Variants in TM7SF2 observed in about 807,000 individuals in gnomAD.
TM7SF2 encodes transmembrane 7 superfamily member 2, also known as delta(14)-sterol reductase TM7SF2.
A neutral mutation model predicts 51.0 loss-of-function variants in TM7SF2; 51 were observed. The ratio of observed to expected loss-of-function variants is 1.00; its 90% CI spans 0.80 to 1.26. The LOEUF is 1.26. TM7SF2 is among the 50% of genes most tolerant of loss of function. The probability of loss-of-function intolerance (pLI) is 0.00; values close to 1 mark genes in which losing one functional copy is unlikely to be tolerated. For missense variants in TM7SF2, 541 were observed against 547.4 expected (o/e 0.99, Z 0.12); for synonymous variants, 255 against 241.0 (o/e 1.06, Z -0.54).
chr11:65,111,913 C>T lies in TM7SF2; in HGVS notation c.-103C>T. 7.6e-7 allele frequency: 1 copy of T among 1,315,650 alleles called. No homozygotes were observed. Among genetic ancestry groups the T allele is most frequent in the Non-Finnish European group, 1.1e-6 (1 of 935,564 alleles). The allele number at this position is 1,315,650 out of a possible 1,614,324, so 81.5% of individuals were successfully genotyped here. A position where few individuals can be genotyped will look rare whatever the true frequency, so the allele number is the denominator to read the frequency against. ...CAGGCAGGTGCAGGCGCCGCGGGGC[C>T]GGATCCTCCGCGCGGCCGAGTCCAT... is the stretch of plus-strand genomic sequence containing the variant. On this transcript the variant is annotated 5_prime_UTR_variant, in exon 1 of 10. Coordinates refer to ENST00000279263, the MANE Select transcript of TM7SF2 (RefSeq NM_003273.6).
rs760970320 is a variant in TM7SF2 at position 65,115,391 on chromosome 11, G to T, written c.970G>T (p.Ala324Ser). 6.2e-7 allele frequency: 1 copy of T among 1,614,200 alleles called. No homozygotes were observed. Among genetic ancestry groups the T allele is most frequent in the Admixed American group, 1.7e-5 (1 of 60,026 alleles). The change falls in exon 8 of 10, where the codon GCT (alanine) becomes TCT (serine). Residue 324 changes from alanine (A) to serine (S), a missense_variant. Coordinates refer to ENST00000279263, the MANE Select transcript of TM7SF2 (RefSeq NM_003273.6). ...FRKNPSDPRV[A>S]GLETISTATG... Reference sequence around the variant, plus strand: ...AAAGAATCCTTCTGACCCCAGAGTGGCTGGTGAGCTGGTTCTCTAGGGCCA... The same window carrying T: ...AAAGAATCCTTCTGACCCCAGAGTGTCTGGTGAGCTGGTTCTCTAGGGCCA...
chr11:65,112,722 C>G lies in TM7SF2; in HGVS notation c.249+11C>G, dbSNP rs1244537496. The G allele has an allele frequency of 1.2e-5, 18 of 1,547,708 alleles. No homozygotes were observed. Among genetic ancestry groups the G allele is most frequent in the Non-Finnish European group, 1.4e-5 (16 of 1,146,190 alleles). Reference sequence around the variant, plus strand: ...CTGCCGGCGCGCAAGGTGCGGGCCCCGCTCGCGGACGCTCGGGGGAGGGAA... The same window carrying G: ...CTGCCGGCGCGCAAGGTGCGGGCCCGGCTCGCGGACGCTCGGGGGAGGGAA... On this transcript the variant is annotated intron_variant, in intron 2 of 9. Coordinates refer to ENST00000279263, the MANE Select transcript of TM7SF2 (RefSeq NM_003273.6).
rs1947955407 is a variant in TM7SF2 at position 65,114,841 on chromosome 11, G to C, written c.723+9G>C. On this transcript the variant is annotated intron_variant, in intron 6 of 9. Transcript: ENST00000279263. ...ATGCCCTCTGGCACGAGGTGAGGCT[G>C]GACTGGACGAGGGTGGGTGTCTGAG... 1 of 1,614,242 alleles carries C rather than the reference G, an allele frequency of 6.2e-7. No homozygotes were observed. The highest frequency in any genetic ancestry group is 2.2e-5 in the East Asian group (1 of 44,894).
chr11:65,115,198 C>A, intron 7 of TM7SF2, 116 bp from the exon 8 acceptor site: 1 of 1,590,752 alleles, frequency 6.3e-7, no homozygotes. Context: ...AAAGCCAGGG[C>A]AGGGTCCTGG....
chr11:65,113,649 G>A, intron 5 of TM7SF2, 55 bp downstream of exon 5: 2 of 1,519,814 alleles, frequency 1.3e-6, no homozygotes, highest in Non-Finnish European at 9.1e-7. Flanking sequence ...TAGGGTGGGT[G>A]AGCAGCGCTT....
In TM7SF2 at chr11:65,112,647, C is replaced by A; in HGVS notation, c.185C>A (p.Ala62Glu). 1.3e-6 allele frequency: 2 copies of A among 1,537,732 alleles called. No individual in the cohort carries two copies. The highest frequency in any genetic ancestry group is 1.7e-6 in the Non-Finnish European group (2 of 1,143,864). Residue 62 changes from alanine to glutamate, a missense_variant, in exon 2 of 10, where the codon GCG becomes GAG. Coordinates refer to ENST00000279263, the MANE Select transcript of TM7SF2 (RefSeq NM_003273.6). The stretch of plus-strand genomic sequence containing the variant: ...CTGGAGGTGCTGTGGAGCCCACGGG[C>A]GCTGCTGCTGTGGCTCGCCTGGCTC... ...PGLEVLWSPRALLLWLAWLGL... is the reference protein window; with the variant it reads ...PGLEVLWSPRELLLWLAWLGL...
chr11:65,112,083 G>T lies in TM7SF2; in HGVS notation c.52+16G>T, dbSNP rs751242903. 1 of 1,593,682 alleles carries T rather than the reference G, an allele frequency of 6.3e-7. No individual in the cohort carries two copies. Among genetic ancestry groups the T allele is most frequent in the Non-Finnish European group, 8.5e-7 (1 of 1,172,852 alleles). On this transcript the variant is annotated intron_variant, in intron 1 of 9. Coordinates refer to ENST00000279263, the MANE Select transcript of TM7SF2 (RefSeq NM_003273.6). Reference sequence around the variant, plus strand: ...GGGCCCCTGGGTAATGGGGCAGAGAGATGGGACCTGGGGCAAAGGCTAAGC... The same window carrying T: ...GGGCCCCTGGGTAATGGGGCAGAGATATGGGACCTGGGGCAAAGGCTAAGC...
chr11:65,113,765 A>T, intron 5 of TM7SF2, 171 bp downstream of exon 5: 1 of 639,066 alleles, frequency 1.6e-6, no homozygotes, highest in South Asian at 1.9e-5. Flanking sequence ...ACAAAAATAA[A>T]GTTAGAGGCA....
At position 65,114,726 on chromosome 11, in the gene TM7SF2, T is replaced by A. The variant is rs1191421411; in HGVS notation, c.617T>A (p.Leu206Gln). Residue 206 changes from leucine (L) to glutamine (Q), a missense_variant, in exon 6 of 10, where the codon CTG becomes CAG. Physicochemically the swap from Leu to Gln is moderately radical, Grantham distance 113 (BLOSUM62 -2). Transcript: ENST00000279263. ...CCCTCTCCCCAGGTCCTCATCAACC[T>A]GGCCCTGTTGATGAAGGAGGCAGAG... ...PGLIGWVLIN[L>Q]ALLMKEAELR... The A allele has an allele frequency of 2.5e-6, 4 of 1,614,100 alleles. No individual in the cohort carries two copies. Among genetic ancestry groups the A allele is most frequent in the Non-Finnish European group, 8.5e-7 (1 of 1,180,030 alleles).
intron 1 of TM7SF2, 174 bp downstream of exon 1, chr11:65,112,241 C>T: frequency 2.8e-6 from 2 of 714,658 alleles, no homozygotes; most frequent in Admixed American, 6.1e-5. Flanking sequence ...TGAGGAGGGG[C>T]CGGTTCTGGG....
In TM7SF2 at chr11:65,113,295, C is replaced by T. The variant is rs199945827; in HGVS notation, c.380C>T (p.Pro127Leu). Residue 127 changes from proline to leucine, a missense_variant, in exon 4 of 10, where the codon CCG becomes CTG. Pro to Leu is a moderately conservative substitution (Grantham distance 98). Transcript: ENST00000279263. ...MSAGLPLGAL[P>L]EMLLPLAFVA... ...GCGGGGCTGCCTCTGGGGGCGCTCC[C>T]GGAAATGCTCCTGCCCTTGGCGTTT... 6.6e-5 allele frequency: 107 copies of T among 1,612,266 alleles called. 1 individual carries two copies. In the East Asian group the frequency reaches 1.2e-3, roughly 18 times the overall value.
In TM7SF2 at chr11:65,113,595, G is replaced by C; in HGVS notation, c.603+1G>C. 6.2e-7 allele frequency: 1 copy of C among 1,602,000 alleles called. No individual in the cohort carries two copies. Among genetic ancestry groups the C allele is most frequent in the Non-Finnish European group, 8.5e-7 (1 of 1,173,792 alleles). ...ACTGCGACCCGGCCTCATCGGCTGG[G>C]TATGTTGGGCTTGACTGAGCTGGCC... On this transcript the variant is annotated splice_donor_variant, in intron 5 of 9. Transcript: ENST00000279263. LOFTEE classifies it high-confidence loss of function.
intron 9 of TM7SF2, 56 bp from the exon 10 acceptor site, chr11:65,115,837 G>A (rs1217838920): frequency 7.4e-6 from 12 of 1,613,054 alleles, no homozygotes; most frequent in Non-Finnish European, 9.3e-6. Flanking sequence ...GGAAACGTTT[G>A]TGAACTGCGG....
chr11:65,115,887 C>T lies in TM7SF2; in HGVS notation c.1097-6C>T, dbSNP rs774056804. On this transcript the variant is annotated splice_region_variant and splice_polypyrimidine_tract_variant and intron_variant, in intron 9 of 9. Coordinates refer to ENST00000279263, the MANE Select transcript of TM7SF2 (RefSeq NM_003273.6). ...CAGGGTGGTCACAGAGCCTCCTTCTCTACAGGGGTGTCACACCTGCTGCCC... is the reference window on the plus strand; with the variant it reads ...CAGGGTGGTCACAGAGCCTCCTTCTTTACAGGGGTGTCACACCTGCTGCCC... 3 of 1,614,072 alleles carry T rather than the reference C, an allele frequency of 1.9e-6. No individual in the cohort carries two copies. The highest frequency in any genetic ancestry group is 3.3e-4 in the Middle Eastern group (2 of 6,062).
Position 65,113,535 on chromosome 11 carries a change from CG to C in TM7SF2, c.545del (p.Arg182LeufsTer28). On this transcript the variant is annotated frameshift_variant, in exon 5 of 10. Coordinates refer to ENST00000279263, the MANE Select transcript of TM7SF2 (RefSeq NM_003273.6). LOFTEE classifies it high-confidence loss of function. ...DFFLGRELNP[R>X]ICFFDFKYFC... ...TTTTCTGGGACGAGAGCTCAACCCT[CG>C]TATCTGTTTCTTCGACTTCAAATAT... 1.2e-6 allele frequency: 2 copies of C among 1,614,204 alleles called. No homozygotes were observed. The highest frequency in any genetic ancestry group is 8.5e-7 in the Non-Finnish European group (1 of 1,180,032).
chr11:65,115,514 C>A lies in TM7SF2; in HGVS notation c.1012C>A (p.Leu338Met), dbSNP rs1463110740. Reference protein sequence around the residue: ...TISTATGRKLLVSGWWGMVRH... With the variant: ...TISTATGRKLMVSGWWGMVRH... ...CTCTACAGCCACAGGGCGGAAACTGCTGGTGTCTGGGTGGTGGGGTATGGT... is the reference window on the plus strand; with the variant it reads ...CTCTACAGCCACAGGGCGGAAACTGATGGTGTCTGGGTGGTGGGGTATGGT... Residue 338 changes from leucine (L) to methionine (M), a missense_variant, in exon 9 of 10, where the codon CTG (leucine) becomes ATG (methionine). Coordinates refer to ENST00000279263, the MANE Select transcript of TM7SF2 (RefSeq NM_003273.6). 3.1e-6 allele frequency: 5 copies of A among 1,614,160 alleles called. No homozygotes were observed. The highest frequency in any genetic ancestry group is 3.4e-6 in the Non-Finnish European group (4 of 1,180,012).
At chr11:65,115,261 G>C (rs977306163) in intron 7 of TM7SF2, 53 bp from the exon 8 acceptor site, 1 of 1,603,544 alleles carries the variant, frequency 6.2e-7, no homozygotes, top group Non-Finnish European at 8.5e-7. Flanking sequence ...TTCGGGGTCA[G>C]GCAGGAGGCT....
At chr11:65,113,771 A>T in intron 5 of TM7SF2, 177 bp downstream of exon 5, 1 of 628,898 alleles carries the variant, frequency 1.6e-6, no homozygotes, top group Admixed American at 2.9e-5. Flanking sequence ...ATAAAGTTAG[A>T]GGCAAAAAAG....
At chr11:65,115,689 G>C in intron 9 of TM7SF2, 91 bp downstream of exon 9, 1 of 1,606,784 alleles carries the variant, frequency 6.2e-7, no homozygotes, top group African/African-American at 1.3e-5. Context: ...ATGCACCAGT[G>C]AGAGTAGTCA....
Sources: gnomAD v4.1 joint callset for allele counts on GRCh38, gnomAD v4.1.1 for gene constraint, MANE v1.5 for transcripts, NCBI Gene and HGNC (gene_info 2026-07-23, HGNC 2026-07-21) for gene names.